NEK6: variants seen among roughly 807,000 people sequenced by gnomAD.
NEK6 encodes serine/threonine-protein kinase Nek6.
A neutral mutation model predicts 43.5 loss-of-function variants in NEK6; 27 were observed. The ratio of observed to expected loss-of-function variants is 0.62; its 90% CI spans 0.46 to 0.86. The LOEUF (loss-of-function observed/expected upper bound fraction) is 0.86, where lower values mean the gene tolerates loss of function less well. NEK6 is among the 40% of genes least tolerant of loss of function. The pLI, the probability that NEK6 is intolerant of heterozygous loss-of-function variation, is 0.00. For missense variants in NEK6, 318 were observed against 414.4 expected, an observed-to-expected ratio of 0.77 and a Z score of 2.02; for synonymous variants, 167 against 164.1, an observed-to-expected ratio of 1.02 and a Z score of -0.14.
intron 7 of NEK6, among the ~76,000 whole-genome samples, chr9:124,328,527 G>A (rs939270862): frequency 3.3e-5 from 5 of 152,086 alleles, no homozygotes; most frequent in South Asian, 2.1e-4. Context: ...GCTGCCCGCC[G>A]CCTCCTTGAA....
upstream of NEK6, chr9:124,257,721 T>G (rs1395342199): frequency 1.3e-6 from 2 of 1,532,230 alleles, no homozygotes; most frequent in Non-Finnish European, 1.7e-6. Flanking sequence ...GCCTGCGCCC[T>G]GTGAGTCTGG....
intron 1 of NEK6, 40 bp downstream of exon 1, chr9:124,258,125 G>A (rs1830880416): frequency 4.1e-6 from 4 of 978,610 alleles, no homozygotes; most frequent in Non-Finnish European, 4.8e-6. Flanking sequence ...GTGGGGCCCC[G>A]CGGCCCGGAG....
At chr9:124,347,674 C>G in intron 8 of NEK6, 35 bp from the exon 9 acceptor site, 7 of 1,413,714 alleles carry the variant, frequency 5.0e-6, no homozygotes, top group Non-Finnish European at 6.9e-6. Context: ...GCCTTGAGGC[C>G]GAAAGCTTAT....
At chr9:124,317,112 A>G (rs1011487156) in intron 4 of NEK6, among the ~76,000 whole-genome samples, 2 of 152,218 alleles carry the variant, frequency 1.3e-5, no homozygotes, top group African/African-American at 4.8e-5. Flanking sequence ...TCAACTTGCC[A>G]TTCACTTGCT....
chr9:124,352,997 C>T lies in NEK6; in HGVS notation c.*2050C>T, dbSNP rs41274372. The T allele has an allele frequency of 0.029, 4,451 of 152,944 alleles. 114 individuals carry two copies. The highest frequency in any genetic ancestry group is 0.063 in the Middle Eastern group (19 of 300). 9.5% of individuals were successfully genotyped at this position (152,944 alleles called of 1,614,324 possible). On this transcript the variant is annotated 3_prime_UTR_variant, in exon 10 of 10. Coordinates refer to ENST00000320246, the MANE Select transcript of NEK6 (RefSeq NM_014397.6). ...GATCATGTCCTACTTATTACAAAAC[C>T]GTAACCCCAAAACATTCCTTTTATT... is the stretch of plus-strand genomic sequence containing the variant.
chr9:124,258,351 G>C, intron 1 of NEK6: 2 of 985,142 alleles, frequency 2.0e-6, no homozygotes, highest in Non-Finnish European at 2.4e-6. Flanking sequence ...GCGTCTGGTG[G>C]CGTTGTTGGG....
intron 1 of NEK6, among the ~76,000 whole-genome samples, chr9:124,281,709 G>A (rs370426902): frequency 8.5e-5 from 13 of 152,116 alleles, no homozygotes; most frequent in African/African-American, 2.9e-4. Flanking sequence ...ATGCTAGCCA[G>A]GCTGATCTCG....
At chr9:124,302,953 A>G (rs991418285) in intron 2 of NEK6, among the ~76,000 whole-genome samples, 4 of 152,194 alleles carry the variant, frequency 2.6e-5, no homozygotes, top group Admixed American at 1.3e-4. Context: ...TGTGCTGTGT[A>G]CCCACTTGGG....
intron 1 of NEK6, among the ~76,000 whole-genome samples, chr9:124,297,071 T>C (rs567618558): frequency 2.0e-5 from 3 of 152,332 alleles, no homozygotes; most frequent in African/African-American, 7.2e-5. Context: ...ACGTAGATGA[T>C]GAAGACGTTT....
At chr9:124,348,367 T>C (rs1210733776) in intron 9 of NEK6, among the ~76,000 whole-genome samples, 2 of 152,208 alleles carry the variant, frequency 1.3e-5, no homozygotes, top group African/African-American at 4.8e-5. Context: ...GGCATGGGGC[T>C]GTACCAGTTA....
rs137926408 is a variant in NEK6 at position 124,324,040 on chromosome 9, C to T, written c.406-2290C>T. 1.3e-5 allele frequency among the ~76,000 whole-genome samples: 2 copies of T among 152,158 alleles called. No homozygotes were observed. Among genetic ancestry groups the T allele is most frequent in the Admixed American group, 6.5e-5 (1 of 15,276 alleles). ...TCCCACAGTCCCCACCTCTCTCCCC[C>T]CACTGTCCCTGCCTGCTCCCGTTCC... On this transcript the variant is annotated intron_variant, in intron 5 of 9. Transcript: ENST00000320246. The surrounding 1 kb of genome is among the most constrained non-coding windows in gnomAD (Gnocchi z 5.3).
Position 124,305,898 on chromosome 9 carries a change from G to A in NEK6, c.90+3844G>A, listed in dbSNP as rs1202506470. Reference sequence around the variant, plus strand: ...CTATGCTTAGAGAAGGTAAAAGAATGTATGGTGTTTATGAAGGTCTCAAAT... The same window carrying A: ...CTATGCTTAGAGAAGGTAAAAGAATATATGGTGTTTATGAAGGTCTCAAAT... On this transcript the variant is annotated intron_variant, in intron 2 of 9. Transcript: ENST00000320246. 2.0e-5 allele frequency among the ~76,000 whole-genome samples: 3 copies of A among 152,202 alleles called. No homozygotes were observed. The East Asian group carries it at 5.8e-4, about 29-fold the overall frequency.
intron 1 of NEK6, among the ~76,000 whole-genome samples, chr9:124,285,437 T>C (rs1489023122): frequency 6.6e-6 from 1 of 152,170 alleles, no homozygotes; most frequent in Non-Finnish European, 1.5e-5. Flanking sequence ...TGGGTTCGTC[T>C]GTTCCTGCTT....
intron 2 of NEK6, among the ~76,000 whole-genome samples, chr9:124,304,584 G>A (rs1438167052): frequency 6.6e-6 from 1 of 152,188 alleles, no homozygotes; most frequent in Non-Finnish European, 1.5e-5. Context: ...CTGAGGAAAT[G>A]GTATGTCATG....
At chr9:124,270,075 C>G (rs530501309) in intron 1 of NEK6, among the ~76,000 whole-genome samples, 24 of 152,270 alleles carry the variant, frequency 1.6e-4, no homozygotes, top group Non-Finnish European at 2.6e-4. Context: ...CCACGCCCCC[C>G]CCCCATGCTG....
chr9:124,258,381 C>T, intron 1 of NEK6: 2 of 971,878 alleles, frequency 2.1e-6, no homozygotes, highest in Non-Finnish European at 2.4e-6. Context: ...TGCGGGGACG[C>T]GGGCATGGCT....
intron 9 of NEK6, among the ~76,000 whole-genome samples, chr9:124,348,711 A>G (rs1189220565): frequency 6.6e-6 from 1 of 152,208 alleles, no homozygotes; most frequent in Non-Finnish European, 1.5e-5. Context: ...TTCACTAAAT[A>G]TCATGTGACC....
At chr9:124,274,843 A>C (rs1831588950) in intron 1 of NEK6, among the ~76,000 whole-genome samples, 1 of 152,116 alleles carries the variant, frequency 6.6e-6, no homozygotes, top group African/African-American at 2.4e-5. Context: ...GCTGGCAATC[A>C]TTGTCCTCTC....
At chr9:124,263,490 C>T (rs79828220) in intron 1 of NEK6, among the ~76,000 whole-genome samples, 2,919 of 152,266 alleles carry the variant, frequency 0.019, 46 homozygotes, top group East Asian at 0.084. Flanking sequence ...TCAGAAGCTT[C>T]GGGGGAGGAA....
Sources: gnomAD v4.1 joint callset for allele counts (sites outside exome capture counted in the v4.1 genomes callset) on GRCh38, gnomAD v4.1.1 for gene constraint, Gnocchi (gnomAD v3.1) non-coding constraint, MANE v1.5 for transcripts, NCBI Gene and HGNC (gene_info 2026-07-23, HGNC 2026-07-21) for gene names.